GRIA4: variants seen among roughly 807,000 people sequenced by gnomAD.
The protein encoded by GRIA4 is glutamate receptor 4.
GRIA4 carries 34 observed loss-of-function variants against 104.0 expected under a neutral mutation model. That is an observed-to-expected ratio of 0.33 (90% CI 0.25 to 0.44). GRIA4 has a LOEUF of 0.44. Among genes scored for constraint, GRIA4 ranks in the 20% least tolerant of loss-of-function variants. The pLI is 1.00. For missense variants in GRIA4, 750 were observed against 1,096.5 expected, an observed-to-expected ratio of 0.68 and a Z score of 4.46; for synonymous variants, 386 against 381.9, an observed-to-expected ratio of 1.01 and a Z score of -0.13.
At chr11:105,787,703 T>C (rs1424719688) in intron 4 of GRIA4, among the ~76,000 whole-genome samples, 1 of 152,052 alleles carries the variant, frequency 6.6e-6, no homozygotes, top group African/African-American at 2.4e-5. Flanking sequence ...ACAGAATTCT[T>C]GTACAGAATT....
intron 11 of GRIA4, among the ~76,000 whole-genome samples, chr11:105,923,466 T>C (rs1399066909): frequency 6.6e-6 from 1 of 152,132 alleles, no homozygotes; most frequent in Admixed American, 6.6e-5. Flanking sequence ...AACATATGAT[T>C]CTTATGAGGA....
intron 3 of GRIA4, among the ~76,000 whole-genome samples, chr11:105,634,072 G>A (rs1951111183): frequency 6.6e-6 from 1 of 152,108 alleles, no homozygotes; most frequent in Admixed American, 6.5e-5. Context: ...CTTGTGGCCA[G>A]GCATGGTGGC....
chr11:105,680,236 CA>C (rs1205128725), intron 3 of GRIA4, among the ~76,000 whole-genome samples: 1 of 152,072 alleles, frequency 6.6e-6, no homozygotes, highest in African/African-American at 2.4e-5. Flanking sequence ...AGGATACAAA[CA>C]TTTTGCTAGT....
chr11:105,852,218 G>A (rs188585599), intron 4 of GRIA4, among the ~76,000 whole-genome samples: 224 of 152,162 alleles, frequency 1.5e-3, no homozygotes, highest in African/African-American at 4.9e-3. Flanking sequence ...TTTGTTTTTC[G>A]TTTGGAGGGA....
In GRIA4 at chr11:105,769,904, G is replaced by A. The variant is rs985008254; in HGVS notation, c.487+16684G>A. 2.6e-5 allele frequency among the ~76,000 whole-genome samples: 4 copies of A among 152,096 alleles called. No individual in the cohort carries two copies. In the South Asian group the frequency reaches 8.3e-4, roughly 32 times the overall value. Reference sequence around the variant, plus strand: ...ATTTGGAGCCAAATCTTATTTTAGAGATATTTTTCCCCTAATTTAACTTAA... The same window carrying A: ...ATTTGGAGCCAAATCTTATTTTAGAAATATTTTTCCCCTAATTTAACTTAA... On this transcript the variant is annotated intron_variant, in intron 4 of 16. Coordinates refer to ENST00000282499, the MANE Select transcript of GRIA4 (RefSeq NM_000829.4).
At chr11:105,653,652 A>C (rs1361779310) in intron 3 of GRIA4, among the ~76,000 whole-genome samples, 1 of 152,174 alleles carries the variant, frequency 6.6e-6, no homozygotes, top group Non-Finnish European at 1.5e-5. Flanking sequence ...ATTAGGGTGA[A>C]CGTGAGCGAG....
chr11:105,722,043 A>T (rs1937858548), intron 3 of GRIA4, among the ~76,000 whole-genome samples: 1 of 152,138 alleles, frequency 6.6e-6, no homozygotes, highest in Non-Finnish European at 1.5e-5. Context: ...ATCTTAAAAC[A>T]TGTTCTCTGT....
At chr11:105,908,997 T>C (rs868552204) in intron 9 of GRIA4, among the ~76,000 whole-genome samples, 24 of 152,184 alleles carry the variant, frequency 1.6e-4, no homozygotes, top group African/African-American at 5.5e-4. Flanking sequence ...TATATACTTG[T>C]TTTAAATTAA....
chr11:105,741,786 T>C (rs1246404457), intron 3 of GRIA4, among the ~76,000 whole-genome samples: 3 of 152,134 alleles, frequency 2.0e-5, no homozygotes, highest in African/African-American at 7.2e-5. Context: ...GTTTAAGATA[T>C]ATAACATGAT....
At chr11:105,640,254 A>T (rs1023456967) in intron 3 of GRIA4, among the ~76,000 whole-genome samples, 7 of 151,874 alleles carry the variant, frequency 4.6e-5, no homozygotes, top group Admixed American at 2.0e-4. Flanking sequence ...AAAACAAGAA[A>T]ATTAATTTTA....
intron 3 of GRIA4, among the ~76,000 whole-genome samples, chr11:105,688,148 A>ACC: frequency 1.7e-5 from 1 of 58,726 alleles, no homozygotes; most frequent in Admixed American, 2.2e-4. Context: ...CTATATCTAT[A>ACC]TCTATATCTC....
intron 3 of GRIA4, among the ~76,000 whole-genome samples, chr11:105,618,322 G>C (rs893063852): frequency 1.3e-5 from 2 of 151,962 alleles, no homozygotes; most frequent in Admixed American, 1.3e-4. Context: ...GAATCAATTG[G>C]AAGAGGACAA....
At chr11:105,892,717 G>A (rs1331573361) in intron 6 of GRIA4, among the ~76,000 whole-genome samples, 1 of 152,080 alleles carries the variant, frequency 6.6e-6, no homozygotes, top group Non-Finnish European at 1.5e-5. Flanking sequence ...TTTCTGCATT[G>A]AGCATGTCTG....
chr11:105,740,551 T>TAA (rs1939242083), intron 3 of GRIA4, among the ~76,000 whole-genome samples: 1 of 152,250 alleles, frequency 6.6e-6, no homozygotes, highest in African/African-American at 2.4e-5. Context: ...GTGGAACGTG[T>TAA]ATTCTCCTAC....
chr11:105,621,442 T>C (rs985838396), intron 3 of GRIA4, among the ~76,000 whole-genome samples: 1 of 151,550 alleles, frequency 6.6e-6, no homozygotes, highest in Admixed American at 6.6e-5. Flanking sequence ...AAGCTTCTAA[T>C]ATGTATCTAG....
At chr11:105,960,059 T>C (rs1281306808) in intron 14 of GRIA4, among the ~76,000 whole-genome samples, 2 of 152,182 alleles carry the variant, frequency 1.3e-5, no homozygotes, top group Non-Finnish European at 2.9e-5. Flanking sequence ...CGATAGGGTG[T>C]CTGACAACCC....
intron 3 of GRIA4, among the ~76,000 whole-genome samples, chr11:105,641,328 T>A (rs1951352845): frequency 6.6e-6 from 1 of 152,124 alleles, no homozygotes; most frequent in Admixed American, 6.6e-5. Context: ...TTGCATTCAA[T>A]TTTTGCCGTC....
At chr11:105,680,658 A>T (rs1488855764) in intron 3 of GRIA4, among the ~76,000 whole-genome samples, 1 of 152,148 alleles carries the variant, frequency 6.6e-6, no homozygotes, top group African/African-American at 2.4e-5. Flanking sequence ...TTTTTAAAAA[A>T]ATATATCTTC....
intron 14 of GRIA4, among the ~76,000 whole-genome samples, chr11:105,960,213 G>A (rs1948701757): frequency 6.6e-6 from 1 of 152,244 alleles, no homozygotes; most frequent in South Asian, 2.1e-4. Context: ...CTACCAGGAG[G>A]AGAGGCTAAG....
Sources: gnomAD v4.1 joint callset for allele counts (sites outside exome capture counted in the v4.1 genomes callset) on GRCh38, gnomAD v4.1.1 for gene constraint, MANE v1.5 for transcripts, NCBI Gene and HGNC (gene_info 2026-07-23, HGNC 2026-07-21) for gene names.